Variants in IGSF5 observed in about 807,000 individuals in gnomAD.
IGSF5 encodes the protein immunoglobulin superfamily 5 like.
IGSF5 carries 41 observed loss-of-function variants against 39.4 expected under a neutral mutation model. The observed-to-expected ratio is 1.04, with a 90% CI of 0.81 to 1.35. The LOEUF (loss-of-function observed/expected upper bound fraction) is 1.35, where lower values mean the gene tolerates loss of function less well. IGSF5 is among the 40% of genes most tolerant of loss of function. The probability of loss-of-function intolerance (pLI) is 0.00; values close to 1 mark genes in which losing one functional copy is unlikely to be tolerated. For synonymous variants in IGSF5, 183 were observed against 175.3 expected (o/e 1.04, Z -0.34); for missense variants, 487 against 494.6 (o/e 0.98, Z 0.15).
the IGSF5 span, among the ~76,000 whole-genome samples, chr21:39,720,209 A>G: frequency 6.6e-6 from 1 of 152,168 alleles, no homozygotes; most frequent in Non-Finnish European, 1.5e-5. Flanking sequence ...GATGCCTCTC[A>G]CGCACAGTTC....
chr21:39,727,044 G>T, the IGSF5 span, among the ~76,000 whole-genome samples: 8 of 152,034 alleles, frequency 5.3e-5, no homozygotes, highest in Non-Finnish European at 8.8e-5. Context: ...AGCCAGTGTG[G>T]TGCTGAACCT....
Position 39,765,649 on chromosome 21 carries a change from C to A in IGSF5, c.215C>A (p.Ala72Asp). 6.2e-7 allele frequency: 1 copy of A among 1,614,148 alleles called. No individual in the cohort carries two copies. Among genetic ancestry groups the A allele is most frequent in the Non-Finnish European group, 8.5e-7 (1 of 1,180,012 alleles). Reference sequence around the variant, plus strand: ...CAGGGCTGGAAGCTCATCATGTGGGCTCTCAGTGACATGGTGGTGCTAAGC... The same window carrying A: ...CAGGGCTGGAAGCTCATCATGTGGGATCTCAGTGACATGGTGGTGCTAAGC... ...VSQGWKLIMW[A>D]LSDMVVLSVR... Residue 72 changes from alanine (A) to aspartate (D), a missense_variant, in exon 3 of 9, where the codon GCT (alanine) becomes GAT (aspartate). By Grantham distance (126) the Ala-to-Asp change is moderately radical. Coordinates refer to ENST00000380588, the MANE Select transcript of IGSF5 (RefSeq NM_001080444.2).
chr21:39,712,254 G>A, the IGSF5 span, among the ~76,000 whole-genome samples: 1 of 152,148 alleles, frequency 6.6e-6, no homozygotes. Flanking sequence ...GAAGCTCCAG[G>A]GCAGTGCGGG....
chr21:39,793,781 G>A (rs7278863), intron 8 of IGSF5, among the ~76,000 whole-genome samples, 168 bp downstream of exon 8: 15,920 of 152,216 alleles, frequency 0.1, 813 homozygotes, highest in Middle Eastern at 0.14. Flanking sequence ...GGGCTGAGAC[G>A]TGGACTGTTT....
the IGSF5 span, among the ~76,000 whole-genome samples, chr21:39,732,658 C>T: frequency 6.6e-6 from 1 of 152,188 alleles, no homozygotes; most frequent in East Asian, 1.9e-4. Flanking sequence ...ACTAATTTAA[C>T]TCTATCAATA....
chr21:39,711,926 T>C, the IGSF5 span, among the ~76,000 whole-genome samples: 2 of 152,102 alleles, frequency 1.3e-5, no homozygotes, highest in Non-Finnish European at 2.9e-5. Flanking sequence ...AAGCCTGAAG[T>C]GTCAGGGAGG....
the IGSF5 span, among the ~76,000 whole-genome samples, chr21:39,726,737 T>C: frequency 3.9e-5 from 6 of 152,170 alleles, no homozygotes; most frequent in Non-Finnish European, 5.9e-5. Flanking sequence ...TAATACAGAT[T>C]TGCCTTTTCT....
At chr21:39,796,033 C>A (rs2086994336) in intron 8 of IGSF5, among the ~76,000 whole-genome samples, 1 of 152,198 alleles carries the variant, frequency 6.6e-6, no homozygotes, top group African/African-American at 2.4e-5. Context: ...CCGTCATGGG[C>A]CCAGGCACGG....
the IGSF5 span, among the ~76,000 whole-genome samples, chr21:39,722,109 T>C: frequency 6.6e-6 from 1 of 152,222 alleles, no homozygotes; most frequent in East Asian, 1.9e-4. Flanking sequence ...TGTGGCTAGC[T>C]GACTTCTGAT....
chr21:39,764,268 A>C (rs1301518596), intron 2 of IGSF5, among the ~76,000 whole-genome samples: 1 of 152,134 alleles, frequency 6.6e-6, no homozygotes, highest in Admixed American at 6.5e-5. Context: ...TGAAGTGCTA[A>C]TGTGCTACTG....
intron 8 of IGSF5, 103 bp from the exon 9 acceptor site, chr21:39,801,159 A>T: frequency 1.3e-6 from 1 of 794,602 alleles, no homozygotes; most frequent in Non-Finnish European, 2.1e-6. Flanking sequence ...TCCTCTCCGT[A>T]CCTTAATTTT....
At chr21:39,742,905 T>A (rs1316561912), upstream of IGSF5, among the ~76,000 whole-genome samples, 14 of 152,128 alleles carry the variant, frequency 9.2e-5, no homozygotes. Flanking sequence ...CTTTTGAAGT[T>A]TTTTCCTAAT....
rs373076256 is a variant in IGSF5, at chr21:39,788,203, A to G, written c.956+15A>G. On this transcript the variant is annotated intron_variant, in intron 6 of 8. Coordinates refer to ENST00000380588, the MANE Select transcript of IGSF5 (RefSeq NM_001080444.2). ...CAATTTCAAAAGTAAGTTTGAAACC[A>G]CATCTATTTTCTGAAAACAAAACAA... 2.7e-4 allele frequency: 421 copies of G among 1,574,232 alleles called. No individual in the cohort carries two copies. Among genetic ancestry groups the G allele is most frequent in the Non-Finnish European group, 3.5e-4 (401 of 1,148,054 alleles).
chr21:39,745,289 T>C lies in IGSF5; in HGVS notation c.-221T>C, dbSNP rs112059515. 17,964 of 436,476 alleles carry C rather than the reference T, an allele frequency of 0.041. 2,689 individuals carry two copies. The highest frequency in any genetic ancestry group is 0.33 in the African/African-American group (16,157 of 49,392). The allele number at this position is 436,476 out of a possible 1,614,324, so 27.0% of individuals were successfully genotyped here. A position where few individuals can be genotyped will look rare whatever the true frequency, so the allele number is the denominator to read the frequency against. ...CATGTCAAGAGCTGTATACCTAAAT[T>C]AGGAGGGACGCCAGGGATAAGACTC... On this transcript the variant is annotated 5_prime_UTR_variant, in exon 1 of 9. An upstream open reading frame in the 5' UTR loses its in-frame stop. Transcript: ENST00000380588.
chr21:39,724,645 A>G, the IGSF5 span, among the ~76,000 whole-genome samples: 3 of 152,226 alleles, frequency 2.0e-5, no homozygotes, highest in Non-Finnish European at 4.4e-5. Flanking sequence ...TGTAAGTCCA[A>G]CAAATCTCTT....
At chr21:39,735,393 AGTT>A in the IGSF5 span, among the ~76,000 whole-genome samples, 5 of 152,230 alleles carry the variant, frequency 3.3e-5, no homozygotes, top group African/African-American at 9.6e-5. Flanking sequence ...AATTACAAAT[AGTT>A]GTTATTTTCT....
chr21:39,719,209 C>G, the IGSF5 span, among the ~76,000 whole-genome samples: 4 of 152,174 alleles, frequency 2.6e-5, no homozygotes, highest in African/African-American at 9.6e-5. Flanking sequence ...GCTATGTTGC[C>G]CAGGCTGGTC....
At chr21:39,752,562 T>C (rs973405361) in intron 2 of IGSF5, among the ~76,000 whole-genome samples, 14 of 152,272 alleles carry the variant, frequency 9.2e-5, no homozygotes, top group Non-Finnish European at 1.9e-4. Flanking sequence ...ATGGTAGTTT[T>C]ACTTTTAGTT....
chr21:39,761,237 C>T (rs746308795), intron 2 of IGSF5, among the ~76,000 whole-genome samples: 3 of 152,180 alleles, frequency 2.0e-5, no homozygotes, highest in Non-Finnish European at 4.4e-5. Context: ...TTACCTCTCA[C>T]CATTCAAAAA....
Sources: allele counts gnomAD v4.1 joint callset (sites outside exome capture counted in the v4.1 genomes callset), GRCh38; gene constraint gnomAD v4.1.1; transcripts MANE v1.5; gene names NCBI Gene and HGNC (gene_info 2026-07-23, HGNC 2026-07-21).